PRICKLE2: variants seen among roughly 807,000 people sequenced by gnomAD.
PRICKLE2 encodes prickle planar cell polarity protein 2.
PRICKLE2 carries 21 observed loss-of-function variants against 81.4 expected under a neutral mutation model. The ratio of observed to expected loss-of-function variants is 0.26; its 90% CI spans 0.18 to 0.37. The LOEUF (loss-of-function observed/expected upper bound fraction) is 0.37, where lower values mean the gene tolerates loss of function less well. Among genes scored for constraint, PRICKLE2 ranks in the 10% least tolerant of loss-of-function variants. PRICKLE2 has a pLI of 1.00. For missense variants in PRICKLE2, 940 were observed against 1,109.0 expected (o/e 0.85, Z 2.16); for synonymous variants, 456 against 421.5 (o/e 1.08, Z -1.00).
intron 6 of PRICKLE2, among the ~76,000 whole-genome samples, chr3:64,148,496 T>C (rs1177164125): frequency 2.0e-5 from 3 of 152,166 alleles, no homozygotes; most frequent in Non-Finnish European, 2.9e-5. Context: ...GCTCTTTGTG[T>C]GTAGATAGAT....
intron 1 of PRICKLE2, among the ~76,000 whole-genome samples, chr3:64,203,217 A>G (rs1559576612): frequency 6.6e-6 from 1 of 152,192 alleles, no homozygotes. Flanking sequence ...TCTCCAACTC[A>G]AAGAAGTTCC....
At position 64,239,433 on chromosome 3, in the gene PRICKLE2, G is replaced by A. The variant is rs188840141; in HGVS notation, c.129-40466C>T. 2.3e-3 allele frequency among the ~76,000 whole-genome samples: 353 copies of A among 152,266 alleles called. 2 individuals are homozygous for A. Among genetic ancestry groups the A allele is most frequent in the African/African-American group, 8.2e-3 (341 of 41,568 alleles). Reference sequence around the variant, plus strand: ...AGAAAGTTACAGTCAGCCAGTGGCCGGAGATAGCTGCCCAGGGAACATGGA... The same window carrying A: ...AGAAAGTTACAGTCAGCCAGTGGCCAGAGATAGCTGCCCAGGGAACATGGA... On this transcript the variant is annotated intron_variant, in intron 2 of 8. Coordinates refer to the PRICKLE2 transcript ENST00000295902.
chr3:64,136,226 G>C (rs1010976144), intron 7 of PRICKLE2, among the ~76,000 whole-genome samples: 5 of 151,992 alleles, frequency 3.3e-5, no homozygotes, highest in Admixed American at 2.0e-4. Flanking sequence ...GCTAAGAGAA[G>C]AGGCAGTGTA....
chr3:64,113,355 T>C (rs941377198), intron 7 of PRICKLE2, among the ~76,000 whole-genome samples: 2 of 152,184 alleles, frequency 1.3e-5, no homozygotes, highest in African/African-American at 2.4e-5. Context: ...TGGTCTGACC[T>C]GTGCACCCCT....
intron 7 of PRICKLE2, among the ~76,000 whole-genome samples, chr3:64,115,727 T>C (rs573910878): frequency 1.3e-5 from 2 of 152,298 alleles, no homozygotes; most frequent in Non-Finnish European, 2.9e-5. Context: ...CAAAGAGATT[T>C]AGACTCCCAC....
intron 7 of PRICKLE2, among the ~76,000 whole-genome samples, chr3:64,116,291 G>A (rs1575554759): frequency 6.6e-6 from 1 of 152,050 alleles, no homozygotes; most frequent in Non-Finnish European, 1.5e-5. Context: ...AAAAGAACTA[G>A]AGAATCAAGT....
At chr3:64,140,841 C>T (rs572481107) in intron 7 of PRICKLE2, among the ~76,000 whole-genome samples, 1 of 152,278 alleles carries the variant, frequency 6.6e-6, no homozygotes, top group Non-Finnish European at 1.5e-5. Flanking sequence ...GGCAAACAGA[C>T]AAATCAACAA....
At chr3:64,178,979 C>CTT (rs1312983611) in intron 2 of PRICKLE2, among the ~76,000 whole-genome samples, 4 of 112,700 alleles carry the variant, frequency 3.5e-5, no homozygotes, top group South Asian at 5.9e-4. Flanking sequence ...TTCTTTCTTT[C>CTT]TTTCTTTCTT....
At chr3:64,150,249 C>T (rs1443193303) in intron 6 of PRICKLE2, among the ~76,000 whole-genome samples, 1 of 152,020 alleles carries the variant, frequency 6.6e-6, no homozygotes, top group Non-Finnish European at 1.5e-5. Flanking sequence ...TGCTGACGGC[C>T]ATCTGCTTGG....
intron 7 of PRICKLE2, chr3:64,142,002 C>G (rs2077369475): frequency 1.1e-6 from 1 of 879,440 alleles, no homozygotes; most frequent in Admixed American, 6.2e-5. Flanking sequence ...AAAAAAAAAA[C>G]TACTGAATTT....
chr3:64,223,253 G>A (rs2078983420), intron 1 of PRICKLE2, among the ~76,000 whole-genome samples: 1 of 152,160 alleles, frequency 6.6e-6, no homozygotes, highest in Non-Finnish European at 1.5e-5. Flanking sequence ...TATTTACTAT[G>A]TGGCTGCCAC....
At position 64,147,781 on chromosome 3, in the gene PRICKLE2, G is replaced by T; in HGVS notation, c.788-79C>A. On this transcript the variant is annotated intron_variant, in intron 6 of 7. Transcript: ENST00000638394. The surrounding 1 kb of genome is among the most constrained non-coding windows in gnomAD (Gnocchi z 5.0). ...TGGGACGTGAAACACATAGCACCTT[G>T]GTTTGTCTCAGGATTCCAGGTGCGG... The T allele has an allele frequency of 2.6e-6, 4 of 1,521,628 alleles. No individual in the cohort carries two copies. The highest frequency in any genetic ancestry group is 3.6e-6 in the Non-Finnish European group (4 of 1,098,774). 94.3% of individuals were successfully genotyped at this position (1,521,628 alleles called of 1,614,324 possible). A position where few individuals can be genotyped will look rare whatever the true frequency, so the allele number is the denominator to read the frequency against.
upstream of PRICKLE2, among the ~76,000 whole-genome samples, chr3:64,226,318 C>T (rs76608464): frequency 0.014 from 2,107 of 152,256 alleles, 21 homozygotes; most frequent in Non-Finnish European, 0.024. Flanking sequence ...CACCACTAGG[C>T]GGCCTAACCA....
intron 1 of PRICKLE2, among the ~76,000 whole-genome samples, chr3:64,221,349 A>G (rs1258277481): frequency 6.6e-6 from 1 of 151,934 alleles, no homozygotes; most frequent in Non-Finnish European, 1.5e-5. Flanking sequence ...AGGCCAAAGA[A>G]AAAAGAAAAC....
intron 6 of PRICKLE2, among the ~76,000 whole-genome samples, chr3:64,149,863 C>T (rs891400634): frequency 6.6e-6 from 1 of 151,894 alleles, no homozygotes; most frequent in Admixed American, 6.6e-5. Context: ...TGAAACCTGG[C>T]CTTAGAGACT....
chr3:64,122,000 C>G (rs2077035993), intron 7 of PRICKLE2, among the ~76,000 whole-genome samples: 2 of 152,260 alleles, frequency 1.3e-5, no homozygotes, highest in South Asian at 4.1e-4. Context: ...CCAGATACCA[C>G]CCATTATCAG....
chr3:64,212,166 G>A (rs1013790216), intron 1 of PRICKLE2, among the ~76,000 whole-genome samples: 2 of 152,186 alleles, frequency 1.3e-5, no homozygotes, highest in African/African-American at 4.8e-5. Flanking sequence ...CCCTGTGCAA[G>A]GCTGTGGGGT....
chr3:64,168,937 C>T (rs945503461), intron 2 of PRICKLE2, among the ~76,000 whole-genome samples: 1 of 152,162 alleles, frequency 6.6e-6, no homozygotes, highest in African/African-American at 2.4e-5. Context: ...TCCACAACAC[C>T]ATGGCATGAT....
intron 7 of PRICKLE2, among the ~76,000 whole-genome samples, chr3:64,128,818 T>C (rs2077153831): frequency 6.6e-6 from 1 of 151,752 alleles, no homozygotes; most frequent in South Asian, 2.1e-4. Flanking sequence ...AAAAGTGTTA[T>C]TTTCACAGTA....
Sources: allele counts gnomAD v4.1 joint callset (sites outside exome capture counted in the v4.1 genomes callset), GRCh38; gene constraint gnomAD v4.1.1; non-coding constraint Gnocchi (gnomAD v3.1); transcripts MANE v1.5; gene names NCBI Gene and HGNC (gene_info 2026-07-23, HGNC 2026-07-21).